Variants in ZNF394 observed in about 807,000 individuals in gnomAD.
The protein encoded by ZNF394 is zinc finger protein 99.
ZNF394 carries 19 observed loss-of-function variants against 21.8 expected under a neutral mutation model. The ratio of observed to expected loss-of-function variants is 0.87; its 90% CI spans 0.61 to 1.28. ZNF394 has a LOEUF of 1.28. Ranked by LOEUF, ZNF394 falls within the 50% of genes most tolerant of loss-of-function variation. The pLI is 0.00. For missense variants in ZNF394, 683 were observed against 708.6 expected (o/e 0.96, Z 0.41); for synonymous variants, 294 against 273.3 (o/e 1.08, Z -0.75).
In ZNF394 at chr7:99,500,172, G is replaced by A. The variant is rs1446067244; in HGVS notation, c.-79C>T. 9 of 1,410,358 alleles carry A rather than the reference G, an allele frequency of 6.4e-6. No homozygotes were observed. In the Admixed American group the frequency reaches 1.8e-4, roughly 27 times the overall value. The allele number at this position is 1,410,358 out of a possible 1,614,324, so 87.4% of individuals were successfully genotyped here. A position where few individuals can be genotyped will look rare whatever the true frequency, so the allele number is the denominator to read the frequency against. On this transcript the variant is annotated 5_prime_UTR_variant, in exon 1 of 3. The change creates a new upstream start codon in the 5' untranslated region. Transcript: ENST00000337673. ...AGCAAACCCAAGGAACTCATCAGCC[G>A]TCAACACCCTCCGGTCCCAAACACC...
downstream of ZNF394, among the ~76,000 whole-genome samples, chr7:99,492,639 CAAAAAAAAAA>C (rs757663157): frequency 7.9e-5 from 4 of 50,488 alleles, no homozygotes; most frequent in East Asian, 2.6e-3. Context: ...GACTCCATCT[CAAAAAAAAAA>C]AAAAAAAAAA....
In ZNF394 at chr7:99,499,909, G is replaced by A. The variant is rs757537331; in HGVS notation, c.185C>T (p.Thr62Ile). The stretch of plus-strand genomic sequence containing the variant: ...CAGCTGCCTAAAGTGCAGTCGAGAA[G>A]TTTCGGGGTCCGGCGAAGCCGCGGG... ...NYPAASPDPE[T>I]SRLHFRQLRY... The change falls in exon 1 of 3, where the codon ACT becomes ATT. Residue 62 changes from threonine (T) to isoleucine (I), a missense_variant. By Grantham distance (89) the Thr-to-Ile change is moderately conservative. Around this residue, in one of 3 missense-constraint regions of ZNF394, gnomAD observed 402 missense variants for 373.8 expected, o/e 1.08. Coordinates refer to ENST00000337673, the MANE Select transcript of ZNF394 (RefSeq NM_032164.4). 7 of 1,614,064 alleles carry A rather than the reference G, an allele frequency of 4.3e-6. No individual in the cohort carries two copies. The highest frequency in any genetic ancestry group is 1.3e-5 in the African/African-American group (1 of 74,950).
chr7:99,490,475 C>T (rs779148755), downstream of ZNF394, among the ~76,000 whole-genome samples: 13 of 151,860 alleles, frequency 8.6e-5, no homozygotes, highest in Non-Finnish European at 1.9e-4. Flanking sequence ...TTTTAAAGTA[C>T]AAAAATTAGC....
At chr7:99,498,971 T>C in intron 1 of ZNF394, 129 bp from the exon 2 acceptor site, 1 of 1,317,432 alleles carries the variant, frequency 7.6e-7, no homozygotes, top group Non-Finnish European at 1.0e-6. Flanking sequence ...CTTGTAATCC[T>C]GAAAAGCCTT....
At chr7:99,491,739 G>T (rs1800163833), downstream of ZNF394, among the ~76,000 whole-genome samples, 1 of 131,140 alleles carries the variant, frequency 7.6e-6, no homozygotes, top group African/African-American at 3.2e-5. Context: ...TCATGCCACT[G>T]CACTCCAGCC....
chr7:99,487,056 A>G (rs1025695558), intron 1 of ZNF394: 2 of 1,614,152 alleles, frequency 1.2e-6, no homozygotes, highest in Non-Finnish European at 1.7e-6. Flanking sequence ...ACACCAAAGA[A>G]AAACCTTATA....
chr7:99,497,104 GTGTGTGTGTGTGTGTGTGTA>G (rs1272377862), intron 2 of ZNF394, among the ~76,000 whole-genome samples: 1 of 118,506 alleles, frequency 8.4e-6, no homozygotes, highest in Non-Finnish European at 1.6e-5. Flanking sequence ...GTGTGTGTGT[GTGTGTGTGTGTGTGTGTGTA>G]TATATATATA....
At position 99,493,389 on chromosome 7, in the gene ZNF394, TG is replaced by T; in HGVS notation, c.*139del. On this transcript the variant is annotated 3_prime_UTR_variant, in exon 3 of 3. Coordinates refer to ENST00000337673, the MANE Select transcript of ZNF394 (RefSeq NM_032164.4). ...CTCCTACCTCAGCCTCCCGAATAGCTGGGCTTACAGGCATGCACCACCATGC... is the reference window on the plus strand; with the variant it reads ...CTCCTACCTCAGCCTCCCGAATAGCTGGCTTACAGGCATGCACCACCATGC... 1 of 1,012,144 alleles carries T rather than the reference TG, an allele frequency of 9.9e-7. No homozygotes were observed. The highest frequency in any genetic ancestry group is 1.4e-6 in the Non-Finnish European group (1 of 721,216). The allele number at this position is 1,012,144 out of a possible 1,614,324, so 62.7% of individuals were successfully genotyped here. A position where few individuals can be genotyped will look rare whatever the true frequency, so the allele number is the denominator to read the frequency against.
intron 2 of ZNF394, chr7:99,497,735 T>G (rs1161912176): frequency 6.6e-6 from 1 of 151,904 alleles, no homozygotes; most frequent in Non-Finnish European, 1.5e-5. Context: ...TGGTGGGGCA[T>G]AACTGTAATT....
At chr7:99,492,995 C>A (rs1168050549), downstream of ZNF394, among the ~76,000 whole-genome samples, 1 of 152,070 alleles carries the variant, frequency 6.6e-6, no homozygotes, top group Admixed American at 6.6e-5. Context: ...AAGGACAGAA[C>A]CCCGTTACAT....
intron 2 of ZNF394, among the ~76,000 whole-genome samples, chr7:99,496,398 C>T (rs567036242): frequency 1.9e-4 from 29 of 151,998 alleles, no homozygotes; most frequent in African/African-American, 7.0e-4. Flanking sequence ...TTGCTTCCTA[C>T]AGAGTAGAGT....
At chr7:99,489,146 T>C (rs949785481), downstream of ZNF394, among the ~76,000 whole-genome samples, 1 of 151,374 alleles carries the variant, frequency 6.6e-6, no homozygotes, top group African/African-American at 2.4e-5. Flanking sequence ...TAGCCGAGCA[T>C]GGTGGTGCGC....
At chr7:99,491,981 A>G (rs945368215), downstream of ZNF394, among the ~76,000 whole-genome samples, 5 of 147,954 alleles carry the variant, frequency 3.4e-5, no homozygotes, top group Non-Finnish European at 7.5e-5. Flanking sequence ...GCTGAGGCAG[A>G]AGAATGGCAT....
chr7:99,486,653 A>T (rs200026559), exon 2 of ZNF394: 4 of 1,614,228 alleles, frequency 2.5e-6, no homozygotes, highest in Non-Finnish European at 3.4e-6. Flanking sequence ...ACTAGTGGTG[A>T]TGAATACAGC....
downstream of ZNF394, among the ~76,000 whole-genome samples, chr7:99,490,144 ATCTTTTTTTTT>A (rs1800130754): frequency 8.1e-6 from 1 of 123,926 alleles, no homozygotes; most frequent in Non-Finnish European, 1.6e-5. Flanking sequence ...GCAAAACCTC[ATCTTTTTTTTT>A]TTTTTTTTTT....
chr7:99,498,180 C>G (rs571597859), intron 2 of ZNF394: 1 of 152,566 alleles, frequency 6.6e-6, no homozygotes, highest in Non-Finnish European at 1.5e-5. Context: ...GTATCTGGAC[C>G]GTGAAATAGG....
chr7:99,497,341 A>G (rs1349265357), intron 2 of ZNF394, among the ~76,000 whole-genome samples: 1 of 150,010 alleles, frequency 6.7e-6, no homozygotes. Flanking sequence ...CGCCTGGCTA[A>G]TTCTTTTTTC....
chr7:99,490,456 C>T (rs969600509), downstream of ZNF394, among the ~76,000 whole-genome samples: 3 of 151,894 alleles, frequency 2.0e-5, no homozygotes, highest in African/African-American at 7.3e-5. Context: ...TGCCCAGCCT[C>T]TCTCATACTT....
downstream of ZNF394, among the ~76,000 whole-genome samples, chr7:99,490,522 T>C (rs912907111): frequency 7.9e-5 from 12 of 151,822 alleles, no homozygotes; most frequent in African/African-American, 2.7e-4. Context: ...TCCCAGCTGC[T>C]TGGGAGGCTG....
Sources: allele counts gnomAD v4.1 joint callset (sites outside exome capture counted in the v4.1 genomes callset), GRCh38; gene constraint gnomAD v4.1.1; regional missense constraint gnomAD v4.1.1; transcripts MANE v1.5; gene names NCBI Gene and HGNC (gene_info 2026-07-23, HGNC 2026-07-21).